Variants in SVIL observed in about 807,000 individuals in gnomAD.
SVIL encodes archvillin.
Under a neutral mutation model 240.4 loss-of-function variants are expected in SVIL, and 101 were observed. The observed-to-expected ratio is 0.42, with a 90% CI of 0.36 to 0.50. The LOEUF is 0.50. Ranked by LOEUF, SVIL falls within the 20% of genes least tolerant of loss-of-function variation. SVIL has a pLI of 0.01. For missense variants in SVIL, 2,512 were observed against 2,818.7 expected, an observed-to-expected ratio of 0.89 and a Z score of 2.46; for synonymous variants, 999 against 1,100.0, an observed-to-expected ratio of 0.91 and a Z score of 1.82.
At chr10:29,480,500 C>G in intron 29 of SVIL, 37 bp downstream of exon 29, 5 of 1,604,704 alleles carry the variant, frequency 3.1e-6, no homozygotes, top group Non-Finnish European at 2.6e-6. Context: ...CCGGGCCAGC[C>G]TCTTTCAGCT....
At chr10:29,543,390 T>C (rs910647586) in intron 6 of SVIL, among the ~76,000 whole-genome samples, 1 of 152,216 alleles carries the variant, frequency 6.6e-6, no homozygotes, top group African/African-American at 2.4e-5. Context: ...ACCTATGCTA[T>C]TGGCAACTCA....
At chr10:29,508,859 A>G (rs1949566965) in intron 17 of SVIL, among the ~76,000 whole-genome samples, 2 of 152,202 alleles carry the variant, frequency 1.3e-5, no homozygotes, top group South Asian at 4.1e-4. Context: ...AAGGGTTTTC[A>G]CTTCTTGGAA....
chr10:29,623,791 C>T (rs1312773329), intron 1 of SVIL, among the ~76,000 whole-genome samples: 3 of 151,962 alleles, frequency 2.0e-5, no homozygotes, highest in South Asian at 2.1e-4. Context: ...GGGGAGGTTG[C>T]AGTGAGCCGA....
At chr10:29,723,792 T>C (rs777401859) in intron 1 of SVIL, among the ~76,000 whole-genome samples, 5 of 152,130 alleles carry the variant, frequency 3.3e-5, no homozygotes, top group Non-Finnish European at 5.9e-5. Flanking sequence ...GAATCAAAAA[T>C]TGTGGGAAAA....
chr10:29,584,768 G>A (rs1204832689), intron 1 of SVIL, among the ~76,000 whole-genome samples: 4 of 152,244 alleles, frequency 2.6e-5, no homozygotes, highest in African/African-American at 4.8e-5. Flanking sequence ...GGTGGGAAGG[G>A]AGGCCGTGGA....
At chr10:29,698,592 C>A (rs1589536303) in intron 1 of SVIL, among the ~76,000 whole-genome samples, 1 of 147,948 alleles carries the variant, frequency 6.8e-6, no homozygotes, top group South Asian at 2.1e-4. Context: ...CCATTTTATT[C>A]AAGAAATCTG....
chr10:29,575,074 G>A (rs73596057), intron 1 of SVIL, among the ~76,000 whole-genome samples: 8,792 of 152,246 alleles, frequency 0.058, 729 homozygotes, highest in African/African-American at 0.18. Context: ...ATATGGATGT[G>A]GCTACTTTGA....
At chr10:29,513,500 C>T (rs1050343295) in intron 16 of SVIL, among the ~76,000 whole-genome samples, 1 of 152,188 alleles carries the variant, frequency 6.6e-6, no homozygotes, top group Non-Finnish European at 1.5e-5. Context: ...TGTGCCACTG[C>T]ACTCCAGCCT....
intron 3 of SVIL, among the ~76,000 whole-genome samples, chr10:29,648,052 A>T (rs561547187): frequency 6.6e-6 from 1 of 150,856 alleles, no homozygotes; most frequent in South Asian, 2.1e-4. Context: ...CCACCAGCCC[A>T]TGAAATGTTA....
chr10:29,585,243 G>A (rs1250248834), intron 1 of SVIL, among the ~76,000 whole-genome samples: 1 of 152,014 alleles, frequency 6.6e-6, no homozygotes, highest in Admixed American at 6.6e-5. Context: ...GCTAATTTTT[G>A]TAGAGACAGA....
At chr10:29,558,618 C>G (rs1048982794) in intron 3 of SVIL, among the ~76,000 whole-genome samples, 29 of 151,794 alleles carry the variant, frequency 1.9e-4, no homozygotes, top group African/African-American at 7.0e-4. Context: ...TATTACATAT[C>G]TGTTTTATAT....
intron 1 of SVIL, among the ~76,000 whole-genome samples, chr10:29,696,096 C>G (rs1017193172): frequency 6.6e-6 from 1 of 151,798 alleles, no homozygotes; most frequent in Non-Finnish European, 1.5e-5. Flanking sequence ...CGATTGCAGG[C>G]GCGCGCCGCC....
chr10:29,570,318 G>A (rs1449410730), intron 1 of SVIL, among the ~76,000 whole-genome samples: 1 of 152,208 alleles, frequency 6.6e-6, no homozygotes, highest in Non-Finnish European at 1.5e-5. Context: ...AGTGCTGTAG[G>A]AGAAAATTCC....
chr10:29,638,114 T>A (rs1358780291), upstream of SVIL, among the ~76,000 whole-genome samples: 1 of 152,198 alleles, frequency 6.6e-6, no homozygotes, highest in East Asian at 1.9e-4. Context: ...AAAGCCCTCA[T>A]GATCACTTTG....
intron 29 of SVIL, among the ~76,000 whole-genome samples, chr10:29,478,465 A>AT (rs778043188): frequency 1.3e-5 from 2 of 152,066 alleles, no homozygotes; most frequent in African/African-American, 2.4e-5. Flanking sequence ...TATAATCCCT[A>AT]TTTTCCAGGT....
At chr10:29,639,309 C>A (rs1437481421), upstream of SVIL, among the ~76,000 whole-genome samples, 2 of 151,772 alleles carry the variant, frequency 1.3e-5, no homozygotes, top group African/African-American at 4.8e-5. Context: ...GTAGCTGGGA[C>A]TACAGGTGTG....
intron 2 of SVIL, among the ~76,000 whole-genome samples, chr10:29,681,415 G>GTGTGTA (rs1270184967): frequency 8.0e-4 from 120 of 149,884 alleles, no homozygotes; most frequent in Non-Finnish European, 1.4e-3. Context: ...TGGTGTGTGT[G>GTGTGTA]TGTGTGTGTG....
At chr10:29,640,633 A>T (rs765619734) in intron 3 of SVIL, among the ~76,000 whole-genome samples, 1 of 152,162 alleles carries the variant, frequency 6.6e-6, no homozygotes, top group Non-Finnish European at 1.5e-5. Flanking sequence ...CTGGTTTCCT[A>T]CCTGACCGCA....
At chr10:29,573,863 T>C (rs955669846) in intron 1 of SVIL, among the ~76,000 whole-genome samples, 13 of 152,064 alleles carry the variant, frequency 8.5e-5, no homozygotes, top group African/African-American at 2.9e-4. Context: ...GCCCAACTAA[T>C]TTTTGTATTT....
Sources: allele counts gnomAD v4.1 joint callset (sites outside exome capture counted in the v4.1 genomes callset), GRCh38; gene constraint gnomAD v4.1.1; transcripts MANE v1.5; gene names NCBI Gene and HGNC (gene_info 2026-07-23, HGNC 2026-07-21).